Variants in SLC25A21 observed in about 807,000 individuals in gnomAD.
The protein encoded by SLC25A21 is mitochondrial 2-oxodicarboxylate carrier.
In SLC25A21, 47 loss-of-function variants were observed where a neutral mutation model predicts 43.8. That is an observed-to-expected ratio of 1.07 (90% CI 0.85 to 1.37). The LOEUF is 1.37. Ranked by LOEUF, SLC25A21 falls within the 40% of genes most tolerant of loss-of-function variation. The probability of loss-of-function intolerance (pLI) is 0.00; values close to 1 mark genes in which losing one functional copy is unlikely to be tolerated. For synonymous variants in SLC25A21, 131 were observed against 121.3 expected (o/e 1.08, Z -0.52); for missense variants, 352 against 350.2 (o/e 1.00, Z -0.04).
intron 1 of SLC25A21, among the ~76,000 whole-genome samples, chr14:37,167,395 G>C (rs372286139): frequency 6.6e-6 from 1 of 152,172 alleles, no homozygotes; most frequent in African/African-American, 2.4e-5. Context: ...TTGTAACTGA[G>C]ACAGTGAAAT....
chr14:37,113,825 G>A (rs1382695917), intron 1 of SLC25A21, among the ~76,000 whole-genome samples: 3 of 135,856 alleles, frequency 2.2e-5, no homozygotes, highest in African/African-American at 8.3e-5. Flanking sequence ...CTGTACTCCA[G>A]TCTGGGCAAC....
intron 6 of SLC25A21, among the ~76,000 whole-genome samples, chr14:36,715,488 T>G (rs918616670): frequency 1.2e-4 from 18 of 152,216 alleles, no homozygotes; most frequent in African/African-American, 4.3e-4. Context: ...TACTATCTAA[T>G]CCAGCAGGTC....
chr14:36,931,341 C>G (rs1202477005), intron 1 of SLC25A21, among the ~76,000 whole-genome samples: 1 of 152,066 alleles, frequency 6.6e-6, no homozygotes, highest in South Asian at 2.1e-4. Context: ...TGAGCCTTGG[C>G]AAGGATGCAG....
chr14:37,084,421 G>A (rs1962445418), intron 1 of SLC25A21, among the ~76,000 whole-genome samples: 1 of 152,164 alleles, frequency 6.6e-6, no homozygotes, highest in Non-Finnish European at 1.5e-5. Flanking sequence ...GTAGAGAACT[G>A]TAAAACAGTG....
At chr14:36,905,125 T>C (rs1468341255) in intron 1 of SLC25A21, among the ~76,000 whole-genome samples, 1 of 152,190 alleles carries the variant, frequency 6.6e-6, no homozygotes. Flanking sequence ...AAGAAGACTA[T>C]AACAATTACC....
chr14:36,839,465 C>T (rs532757949), intron 2 of SLC25A21, among the ~76,000 whole-genome samples: 44 of 152,318 alleles, frequency 2.9e-4, no homozygotes, highest in Non-Finnish European at 5.9e-4. Context: ...ATTAACTTTC[C>T]TATAGTTCGA....
At chr14:37,164,591 C>G (rs1964001125) in intron 1 of SLC25A21, among the ~76,000 whole-genome samples, 2 of 152,062 alleles carry the variant, frequency 1.3e-5, no homozygotes, top group South Asian at 4.1e-4. Flanking sequence ...TGTATCAGCC[C>G]TTTTATTACG....
intron 3 of SLC25A21, among the ~76,000 whole-genome samples, chr14:36,813,576 T>G (rs1888348114): frequency 6.6e-6 from 1 of 152,110 alleles, no homozygotes; most frequent in African/African-American, 2.4e-5. Flanking sequence ...ATTCATAAAC[T>G]AGAGTGTGAA....
Position 36,997,773 on chromosome 14 carries a change from T to C in SLC25A21, c.71-122769A>G, listed in dbSNP as rs115360289. ...GAACCTGGGAGGCAGAGGTTGCAGA[T>C]TGCACCATTGCACTGCAGCCTCAGT... On this transcript the variant is annotated intron_variant, in intron 1 of 9. Transcript: ENST00000331299. 6.9e-3 allele frequency among the ~76,000 whole-genome samples: 1,049 copies of C among 151,578 alleles called. 14 individuals carry two copies. Among genetic ancestry groups the C allele is most frequent in the African/African-American group, 0.024 (998 of 41,318 alleles).
chr14:36,827,998 T>C (rs1470277772), intron 2 of SLC25A21, among the ~76,000 whole-genome samples: 2 of 152,140 alleles, frequency 1.3e-5, no homozygotes, highest in African/African-American at 4.8e-5. Flanking sequence ...CCTAAATGAG[T>C]GTGGCTTCAT....
In SLC25A21 at chr14:37,072,307, C is replaced by T. The variant is rs558347391; in HGVS notation, c.70+99974G>A. Among the ~76,000 whole-genome samples, 84 of 152,144 alleles carry T rather than the reference C, an allele frequency of 5.5e-4. 1 individual carries two copies. Among genetic ancestry groups the T allele is most frequent in the African/African-American group, 1.8e-3 (74 of 41,496 alleles). ...GAGGACTCTGCATCCAGGGGCCATA[C>T]TCTGATTTCCACAGAGCCTCAGGCT... is the stretch of plus-strand genomic sequence containing the variant. On this transcript the variant is annotated intron_variant, in intron 1 of 9. Transcript: ENST00000331299.
intron 3 of SLC25A21, among the ~76,000 whole-genome samples, chr14:36,804,940 A>G (rs1400689248): frequency 6.6e-6 from 1 of 152,170 alleles, no homozygotes; most frequent in Non-Finnish European, 1.5e-5. Context: ...AGCCCATAAG[A>G]AGGCCAGAAT....
chr14:37,172,565 C>T lies in SLC25A21; in HGVS notation c.-215G>A, dbSNP rs1460076645. 1.4e-6 allele frequency: 1 copy of T among 705,898 alleles called. No individual in the cohort carries two copies. The highest frequency in any genetic ancestry group is 2.6e-6 in the Non-Finnish European group (1 of 387,762). The allele number at this position is 705,898 out of a possible 1,614,324, so 43.7% of individuals were successfully genotyped here. A position where few individuals can be genotyped will look rare whatever the true frequency, so the allele number is the denominator to read the frequency against. ...CGTCGGAACCTGTTCGCAGCGCTCT[C>T]GCAGAGGCGCCCTCGGCTCCGAAAA... is the stretch of plus-strand genomic sequence containing the variant. On this transcript the variant is annotated 5_prime_UTR_variant, in exon 1 of 10. Transcript: ENST00000331299.
chr14:36,754,595 G>A (rs1442664705), intron 3 of SLC25A21, among the ~76,000 whole-genome samples: 1 of 152,130 alleles, frequency 6.6e-6, no homozygotes, highest in Non-Finnish European at 1.5e-5. Flanking sequence ...TGGGACGGAA[G>A]CCCAGATCTC....
At chr14:36,694,817 C>T (rs562818655) in intron 7 of SLC25A21, among the ~76,000 whole-genome samples, 55 of 152,208 alleles carry the variant, frequency 3.6e-4, no homozygotes, top group African/African-American at 1.2e-3. Context: ...AGCCCTTTGT[C>T]GGATGGGTTG....
At chr14:37,112,541 A>G (rs1255023886) in intron 1 of SLC25A21, among the ~76,000 whole-genome samples, 1 of 152,196 alleles carries the variant, frequency 6.6e-6, no homozygotes, top group Non-Finnish European at 1.5e-5. Context: ...TTAGCTGGAC[A>G]CATAATTGCC....
intron 1 of SLC25A21, among the ~76,000 whole-genome samples, chr14:36,947,409 G>C (rs1443436533): frequency 1.3e-5 from 2 of 152,212 alleles, no homozygotes; most frequent in Non-Finnish European, 2.9e-5. Context: ...GATGTGTACA[G>C]GTGAATTAAG....
At chr14:36,984,623 T>G (rs1960104721) in intron 1 of SLC25A21, among the ~76,000 whole-genome samples, 1 of 152,140 alleles carries the variant, frequency 6.6e-6, no homozygotes, top group Non-Finnish European at 1.5e-5. Context: ...GCGTTTTGCT[T>G]TTTTGTTTCT....
intron 1 of SLC25A21, among the ~76,000 whole-genome samples, chr14:37,104,041 C>T (rs1962866708): frequency 6.6e-6 from 1 of 152,130 alleles, no homozygotes; most frequent in African/African-American, 2.4e-5. Flanking sequence ...CAGGGGAGGC[C>T]ATCATATAAG....
Sources: allele counts gnomAD v4.1 joint callset (sites outside exome capture counted in the v4.1 genomes callset), GRCh38; gene constraint gnomAD v4.1.1; transcripts MANE v1.5; gene names NCBI Gene and HGNC (gene_info 2026-07-23, HGNC 2026-07-21).